MARCHF4: variants seen among roughly 807,000 people sequenced by gnomAD.
The protein encoded by MARCHF4 is E3 ubiquitin-protein ligase MARCHF4.
In MARCHF4, 14 loss-of-function variants were observed where a neutral mutation model predicts 43.9. That is an observed-to-expected ratio of 0.32 (90% CI 0.21 to 0.50). MARCHF4 has a LOEUF of 0.50. MARCHF4 is among the 20% of genes least tolerant of loss of function. The pLI is 0.98. For missense variants in MARCHF4, 468 were observed against 536.7 expected (o/e 0.87, Z 1.27); for synonymous variants, 226 against 213.3 (o/e 1.06, Z -0.52).
At chr2:216,289,266 A>C (rs1691269631) in intron 1 of MARCHF4, among the ~76,000 whole-genome samples, 1 of 126,422 alleles carries the variant, frequency 7.9e-6, no homozygotes, top group Non-Finnish European at 1.6e-5. Context: ...GCCCATAGAG[A>C]CTCAAAGTCC....
chr2:216,370,028 G>A lies in MARCHF4; in HGVS notation c.233C>T (p.Thr78Ile). 1 of 1,549,044 alleles carries A rather than the reference G, an allele frequency of 6.5e-7. No individual in the cohort carries two copies. Among genetic ancestry groups the A allele is most frequent in the South Asian group, 1.2e-5 (1 of 84,838 alleles). ...PQPPGLAANN[T>I]LPALGAGGWA... Reference sequence around the variant, plus strand: ...CCCCCCGGCGCCCAGAGCCGGAAGGGTGTTGTTGGCCGCCAAACCGGGGGG... The same window carrying A: ...CCCCCCGGCGCCCAGAGCCGGAAGGATGTTGTTGGCCGCCAAACCGGGGGG... The change falls in exon 1 of 4, where the codon ACC (threonine) becomes ATC (isoleucine). Residue 78 changes from threonine (T) to isoleucine (I), a missense_variant. Physicochemically the swap from Thr to Ile is moderately conservative, Grantham distance 89. Around this residue, in one of 3 missense-constraint regions of MARCHF4, gnomAD observed 190 missense variants for 158.5 expected, o/e 1.20. Transcript: ENST00000273067.
At position 216,258,534 on chromosome 2, in the gene MARCHF4, G is replaced by GTC. The variant is rs1183532663; in HGVS notation, c.*777_*778insGA. 6.5e-6 allele frequency: 1 copy of GTC among 153,982 alleles called. No homozygotes were observed. The highest frequency in any genetic ancestry group is 1.4e-5 in the Non-Finnish European group (1 of 69,368). The allele number at this position is 153,982 out of a possible 1,614,324, so 9.5% of individuals were successfully genotyped here. A position where few individuals can be genotyped will look rare whatever the true frequency, so the allele number is the denominator to read the frequency against. ...TGTGTGTGTGTGTGTGTGTGTGTGT[G>GTC]TGTGTGTGTGTCCTGTAAACATCTT... is the stretch of plus-strand genomic sequence containing the variant. On this transcript the variant is annotated 3_prime_UTR_variant, in exon 4 of 4. Transcript: ENST00000273067.
Position 216,259,061 on chromosome 2 carries a change from C to T in MARCHF4, c.*251G>A, listed in dbSNP as rs1314069704. 1 of 356,200 alleles carries T rather than the reference C, an allele frequency of 2.8e-6. No individual in the cohort carries two copies. Among genetic ancestry groups the T allele is most frequent in the East Asian group, 4.4e-5 (1 of 22,832 alleles). The allele number at this position is 356,200 out of a possible 1,614,324, so 22.1% of individuals were successfully genotyped here. On this transcript the variant is annotated 3_prime_UTR_variant, in exon 4 of 4. Coordinates refer to ENST00000273067, the MANE Select transcript of MARCHF4 (RefSeq NM_020814.3). ...GGTTTTTCTGTTGGGCCAGGTTCAG[C>T]CTGTATTGCACTTTGTTGTTGAGTT...
chr2:216,335,235 C>T (rs993435607), intron 1 of MARCHF4, among the ~76,000 whole-genome samples: 2 of 152,126 alleles, frequency 1.3e-5, no homozygotes, highest in African/African-American at 2.4e-5. Flanking sequence ...CCAGAAGATG[C>T]GCCAAGCAAG....
chr2:216,286,632 T>C (rs777312976), intron 1 of MARCHF4, among the ~76,000 whole-genome samples: 1 of 151,832 alleles, frequency 6.6e-6, no homozygotes. Flanking sequence ...GCTGTGGGGG[T>C]TGGGTGGAAT....
intron 1 of MARCHF4, among the ~76,000 whole-genome samples, chr2:216,335,769 AC>A (rs1412556732): frequency 2.0e-5 from 3 of 152,258 alleles, no homozygotes; most frequent in African/African-American, 7.2e-5. Flanking sequence ...TATATAAAAT[AC>A]AAAAATATTA....
intron 1 of MARCHF4, among the ~76,000 whole-genome samples, chr2:216,293,141 G>C (rs766714395): frequency 6.6e-6 from 1 of 152,100 alleles, no homozygotes; most frequent in African/African-American, 2.4e-5. Flanking sequence ...GTCTGATAGC[G>C]TGTGAGCAGC....
At chr2:216,341,639 A>G (rs1473640940) in intron 1 of MARCHF4, among the ~76,000 whole-genome samples, 1 of 152,244 alleles carries the variant, frequency 6.6e-6, no homozygotes, top group Non-Finnish European at 1.5e-5. Flanking sequence ...CTCAAAGCTG[A>G]GGACTGAAGC....
rs1360806756 is a variant in MARCHF4 at position 216,324,545 on chromosome 2, A to T, written c.517-40816T>A. On this transcript the variant is annotated intron_variant, in intron 1 of 3. Coordinates refer to ENST00000273067, the MANE Select transcript of MARCHF4 (RefSeq NM_020814.3). The stretch of plus-strand genomic sequence containing the variant: ...AATTTTAGACCAATATCCTTGATGA[A>T]CATCGATGCAAAAATCCTCAATAAA... 9.9e-5 allele frequency among the ~76,000 whole-genome samples: 15 copies of T among 152,136 alleles called. No individual in the cohort carries two copies. The South Asian group carries it at 1.9e-3, about 19-fold the overall frequency.
chr2:216,350,372 A>G (rs10166258), intron 1 of MARCHF4, among the ~76,000 whole-genome samples: 75 of 115,222 alleles, frequency 6.5e-4, no homozygotes, highest in African/African-American at 2.4e-3. Flanking sequence ...ACACTCCCTC[A>G]CTATGCCACA....
intron 3 of MARCHF4, among the ~76,000 whole-genome samples, chr2:216,267,161 C>T (rs967693352): frequency 3.9e-5 from 6 of 152,134 alleles, no homozygotes; most frequent in African/African-American, 1.4e-4. Flanking sequence ...ATCCACACTC[C>T]CTTTCCTTGG....
rs74558560 is a variant in MARCHF4, at chr2:216,261,659, A to G, written c.866-1980T>C. 1.1e-4 allele frequency among the ~76,000 whole-genome samples: 17 copies of G among 152,302 alleles called. No individual in the cohort carries two copies. In the East Asian group the frequency reaches 3.1e-3, roughly 28 times the overall value. ...ATAGAAATCTAACTAGAAGGGTCAG[A>G]TGGGCAACTGGACATATGAGTCTGA... On this transcript the variant is annotated intron_variant, in intron 3 of 3. Coordinates refer to ENST00000273067, the MANE Select transcript of MARCHF4 (RefSeq NM_020814.3).
intron 1 of MARCHF4, among the ~76,000 whole-genome samples, chr2:216,293,091 C>T (rs10169152): frequency 0.031 from 4,667 of 152,278 alleles, 237 homozygotes; most frequent in African/African-American, 0.1. Flanking sequence ...GAATCCATTG[C>T]TGTTCACAGA....
At chr2:216,348,042 T>G (rs1692347535) in intron 1 of MARCHF4, among the ~76,000 whole-genome samples, 1 of 148,934 alleles carries the variant, frequency 6.7e-6, no homozygotes, top group Non-Finnish European at 1.5e-5. Flanking sequence ...CTTTTTTTTT[T>G]TTTTTTTTTT....
chr2:216,342,518 G>T (rs1244014140), intron 1 of MARCHF4, among the ~76,000 whole-genome samples: 1 of 152,178 alleles, frequency 6.6e-6, no homozygotes, highest in Non-Finnish European at 1.5e-5. Context: ...GGACTGGCAA[G>T]GTTGCTAGGG....
At chr2:216,274,284 G>A (rs980882234) in intron 3 of MARCHF4, among the ~76,000 whole-genome samples, 11 of 152,146 alleles carry the variant, frequency 7.2e-5, no homozygotes, top group Non-Finnish European at 1.6e-4. Flanking sequence ...AGCCCGACTT[G>A]CCATCCCAGA....
intron 3 of MARCHF4, among the ~76,000 whole-genome samples, chr2:216,271,167 A>G (rs1411972216): frequency 2.6e-5 from 4 of 152,202 alleles, no homozygotes; most frequent in African/African-American, 9.7e-5. Context: ...GGGATTTGGC[A>G]TGGCCAACTG....
intron 1 of MARCHF4, among the ~76,000 whole-genome samples, chr2:216,332,287 G>GCTGAGT (rs1363467892): frequency 6.6e-6 from 1 of 151,732 alleles, no homozygotes; most frequent in Non-Finnish European, 1.5e-5. Flanking sequence ...AGCTACCCAG[G>GCTGAGT]ACGCTGAGGC....
intron 1 of MARCHF4, among the ~76,000 whole-genome samples, chr2:216,319,299 T>G (rs969429928): frequency 1.3e-5 from 2 of 151,838 alleles, no homozygotes; most frequent in Admixed American, 6.6e-5. Context: ...CAGAGTGAGA[T>G]TCCATCTAAA....
Sources: gnomAD v4.1 joint callset for allele counts (sites outside exome capture counted in the v4.1 genomes callset) on GRCh38, gnomAD v4.1.1 for gene constraint, gnomAD v4.1.1 regional missense constraint, MANE v1.5 for transcripts, NCBI Gene and HGNC (gene_info 2026-07-23, HGNC 2026-07-21) for gene names.